The following TIAM2 variants were observed in gnomAD, a reference collection of about 807,000 sequenced individuals.
TIAM2 encodes TIAM Rac1 associated GEF 2, also known as rho guanine nucleotide exchange factor TIAM2.
Under a neutral mutation model 152.9 loss-of-function variants are expected in TIAM2, and 80 were observed. That is an observed-to-expected ratio of 0.52 (90% CI 0.44 to 0.63). TIAM2 has a LOEUF of 0.63. Ranked by LOEUF, TIAM2 falls within the 30% of genes least tolerant of loss-of-function variation. The pLI is 0.00. For synonymous variants in TIAM2, 804 were observed against 838.0 expected, an observed-to-expected ratio of 0.96 and a Z score of 0.70; for missense variants, 1,965 against 2,120.1, an observed-to-expected ratio of 0.93 and a Z score of 1.44.
chr6:155,252,420 G>C (rs1783718070), intron 23 of TIAM2, among the ~76,000 whole-genome samples: 1 of 152,174 alleles, frequency 6.6e-6, no homozygotes, highest in Non-Finnish European at 1.5e-5. Context: ...AGTGAGCCTT[G>C]ATCATGCCAC....
Position 155,148,257 on chromosome 6 carries a change from A to G in TIAM2, c.1951A>G (p.Ser651Gly), listed in dbSNP as rs770582570. The G allele has an allele frequency of 1.9e-6, 3 of 1,612,590 alleles. No individual in the cohort carries two copies. The highest frequency in any genetic ancestry group is 1.3e-5 in the African/African-American group (1 of 74,886). Reference protein sequence around the residue: ...KNLLQKIDMDSKMKKMAELQL... With the variant: ...KNLLQKIDMDGKMKKMAELQL... ...CCTGCTTCAGAAGATAGACATGGAC[A>G]GCAAGATGAAGAAGATGGCAGAGCT... The change falls in exon 7 of 27, where the codon AGC becomes GGC. Residue 651 changes from serine to glycine, a missense_variant. Ser to Gly is a moderately conservative substitution (Grantham distance 56). This residue lies in a region of TIAM2 where 1,025 missense variants were observed against 1,119.4 expected (regional missense o/e 0.92). Transcript: ENST00000682666.
chr6:155,036,606 T>G (rs1018982716), intron 1 of TIAM2, among the ~76,000 whole-genome samples: 196 of 150,092 alleles, frequency 1.3e-3, no homozygotes, highest in Middle Eastern at 3.5e-3. Flanking sequence ...ATTTATTTAT[T>G]TATTTATTTA....
At chr6:155,068,066 G>A (rs908290516) in intron 1 of TIAM2, among the ~76,000 whole-genome samples, 2 of 152,200 alleles carry the variant, frequency 1.3e-5, no homozygotes, top group Admixed American at 6.5e-5. Context: ...ATGCAGCAGT[G>A]TAACATCTTA....
intron 8 of TIAM2, 96 bp from the exon 9 acceptor site, chr6:155,165,167 G>C: frequency 7.5e-7 from 1 of 1,337,390 alleles, no homozygotes. Context: ...GCGATAGTCA[G>C]AATGCATTTA....
intron 15 of TIAM2, among the ~76,000 whole-genome samples, chr6:155,231,841 G>A (rs1351185831): frequency 1.3e-5 from 2 of 152,242 alleles, no homozygotes; most frequent in African/African-American, 2.4e-5. Flanking sequence ...TTGGGAGGAC[G>A]TGGCAGGTGG....
intron 25 of TIAM2, 157 bp downstream of exon 25, chr6:155,254,217 T>A (rs370449682): frequency 6.1e-6 from 6 of 986,122 alleles, no homozygotes. Flanking sequence ...TAGGAGACTA[T>A]GTTGATTAAA....
chr6:155,161,638 G>A (rs1021309771), intron 7 of TIAM2, among the ~76,000 whole-genome samples: 1 of 150,388 alleles, frequency 6.6e-6, no homozygotes, highest in Non-Finnish European at 1.5e-5. Flanking sequence ...TGCGATCTCA[G>A]CTCACTGCAG....
Position 155,046,270 on chromosome 6 carries a change from G to T in TIAM2, c.-208-44019G>T, listed in dbSNP as rs1252566242. 2.0e-5 allele frequency among the ~76,000 whole-genome samples: 3 copies of T among 151,008 alleles called. No individual in the cohort carries two copies. In the East Asian group the frequency reaches 5.8e-4, roughly 29 times the overall value. On this transcript the variant is annotated intron_variant, in intron 1 of 26. Coordinates refer to ENST00000682666, the MANE Select transcript of TIAM2 (RefSeq NM_012454.4). ...TGTTTGTTTTATTTTCTTTCTTTAA[G>T]GTAATCATTTTCCTTGTAATTTTAT...
intron 2 of TIAM2, among the ~76,000 whole-genome samples, chr6:155,103,128 A>G (rs920378973): frequency 6.6e-6 from 1 of 152,024 alleles, no homozygotes; most frequent in African/African-American, 2.4e-5. Context: ...ATGATTTGGA[A>G]CTCTCTGGTT....
intron 1 of TIAM2, among the ~76,000 whole-genome samples, chr6:155,082,038 G>A (rs868672163): frequency 6.6e-6 from 1 of 152,152 alleles, no homozygotes; most frequent in African/African-American, 2.4e-5. Flanking sequence ...ATGGGGTAAA[G>A]AAAAGGATAA....
Position 155,200,845 on chromosome 6 carries a change from T to C in TIAM2, c.3065-10359T>C, listed in dbSNP as rs138027663. On this transcript the variant is annotated intron_variant, in intron 14 of 26. Transcript: ENST00000682666. ...TTGAACCCAGGAGGCAGAGGTTGCATTGAGCCAAGATCGTGCCACTGCACA... is the reference window on the plus strand; with the variant it reads ...TTGAACCCAGGAGGCAGAGGTTGCACTGAGCCAAGATCGTGCCACTGCACA... Among the ~76,000 whole-genome samples, 690 of 152,150 alleles carry C rather than the reference T, an allele frequency of 4.5e-3. 2 individuals carry two copies. The highest frequency in any genetic ancestry group is 6.6e-3 in the Non-Finnish European group (451 of 67,984).
At chr6:155,073,265 C>T (rs62427465) in intron 1 of TIAM2, among the ~76,000 whole-genome samples, 1,670 of 149,108 alleles carry the variant, frequency 0.011, 20 homozygotes, top group Middle Eastern at 0.059. Context: ...CGGGTTCAAG[C>T]GATTCTTGTG....
chr6:155,109,544 G>A (rs1778785623), intron 2 of TIAM2, among the ~76,000 whole-genome samples: 1 of 152,164 alleles, frequency 6.6e-6, no homozygotes, highest in Non-Finnish European at 1.5e-5. Flanking sequence ...TCTATTAACA[G>A]GGTGGAATGT....
intron 1 of TIAM2, among the ~76,000 whole-genome samples, chr6:155,002,497 C>T (rs1254642312): frequency 6.6e-6 from 1 of 152,158 alleles, no homozygotes; most frequent in African/African-American, 2.4e-5. Flanking sequence ...TTCTTTCTGT[C>T]ATTTTTTTCC....
intron 15 of TIAM2, among the ~76,000 whole-genome samples, chr6:155,222,195 C>T (rs1175991946): frequency 6.6e-6 from 1 of 151,938 alleles, no homozygotes; most frequent in Non-Finnish European, 1.5e-5. Context: ...CTCAGGTGAT[C>T]CACACTCTTC....
intron 2 of TIAM2, among the ~76,000 whole-genome samples, chr6:155,099,327 G>A (rs1425415805): frequency 1.3e-5 from 2 of 151,634 alleles, no homozygotes. Flanking sequence ...TAATGCCTTT[G>A]AAACACTTAG....
chr6:155,036,774 C>G lies in TIAM2; in HGVS notation c.-209+41282C>G, dbSNP rs200701155. On this transcript the variant is annotated intron_variant, in intron 1 of 26. Transcript: ENST00000682666. ...CTGGGATTACAGGCATACACCACCACGCCCAGCTAATTTTTTTATTTTTAG... is the reference window on the plus strand; with the variant it reads ...CTGGGATTACAGGCATACACCACCAGGCCCAGCTAATTTTTTTATTTTTAG... Among the ~76,000 whole-genome samples, 35 of 151,764 alleles carry G rather than the reference C, an allele frequency of 2.3e-4. No homozygotes were observed. In the East Asian group the frequency reaches 6.3e-3, roughly 27 times the overall value.
At chr6:155,138,681 C>T (rs112574834) in intron 5 of TIAM2, among the ~76,000 whole-genome samples, 52 of 152,154 alleles carry the variant, frequency 3.4e-4, no homozygotes, top group African/African-American at 1.2e-3. Flanking sequence ...TGAGAACATG[C>T]GGTGTTTGGT....
intron 1 of TIAM2, among the ~76,000 whole-genome samples, chr6:155,082,988 C>T (rs1778100215): frequency 6.6e-6 from 1 of 152,072 alleles, no homozygotes; most frequent in South Asian, 2.1e-4. Flanking sequence ...CTTCTCTCGC[C>T]TCATCTCTCT....
Sources: allele counts gnomAD v4.1 joint callset (sites outside exome capture counted in the v4.1 genomes callset), GRCh38; gene constraint gnomAD v4.1.1; regional missense constraint gnomAD v4.1.1; transcripts MANE v1.5; gene names NCBI Gene and HGNC (gene_info 2026-07-23, HGNC 2026-07-21).